Variants in BRWD1 observed in about 807,000 individuals in gnomAD.
BRWD1 encodes bromodomain and WD repeat domain containing 1, also known as bromodomain and WD repeat-containing protein 1.
Under a neutral mutation model 251.2 loss-of-function variants are expected in BRWD1, and 82 were observed. The observed-to-expected ratio is 0.33, with a 90% CI of 0.27 to 0.39. The LOEUF (loss-of-function observed/expected upper bound fraction) is 0.39, where lower values mean the gene tolerates loss of function less well. Ranked by LOEUF, BRWD1 falls within the 10% of genes least tolerant of loss-of-function variation. The probability of loss-of-function intolerance (pLI) is 1.00; values close to 1 mark genes in which losing one functional copy is unlikely to be tolerated. For synonymous variants in BRWD1, 918 were observed against 902.8 expected (o/e 1.02, Z -0.30); for missense variants, 2,233 against 2,711.6 (o/e 0.82, Z 3.92).
intron 29 of BRWD1, among the ~76,000 whole-genome samples, chr21:39,220,371 C>T (rs888733636): frequency 1.3e-5 from 2 of 152,336 alleles, no homozygotes; most frequent in Non-Finnish European, 2.9e-5. Flanking sequence ...GCAGTGGATA[C>T]ACTGCATAAA....
At position 39,313,616 on chromosome 21, in the gene BRWD1, T is replaced by A. The variant is rs1164207064; in HGVS notation, c.-125A>T. The A allele has an allele frequency of 6.9e-6, 5 of 724,310 alleles. No individual in the cohort carries two copies. Among genetic ancestry groups the A allele is most frequent in the Admixed American group, 5.0e-5 (1 of 20,012 alleles). 44.9% of individuals were successfully genotyped at this position (724,310 alleles called of 1,614,324 possible). A position where few individuals can be genotyped will look rare whatever the true frequency, so the allele number is the denominator to read the frequency against. ...GCCGCCGCCGCCGCCGCCGCCGCCA[T>A]ACCGTGCGCGCCGCCTGGACCGACG... On this transcript the variant is annotated 5_prime_UTR_variant, in exon 1 of 41. It removes an upstream start codon present in the reference 5' UTR. Coordinates refer to ENST00000342449, the MANE Select transcript of BRWD1 (RefSeq NM_033656.4).
Position 39,195,899 on chromosome 21 carries a change from T to C in BRWD1, c.*360A>G. 2.0e-6 allele frequency: 2 copies of C among 1,006,242 alleles called. No individual in the cohort carries two copies. The allele number at this position is 1,006,242 out of a possible 1,614,324, so 62.3% of individuals were successfully genotyped here. On this transcript the variant is annotated 3_prime_UTR_variant, in exon 41 of 41. Transcript: ENST00000342449. ...CAGGGGTTAGAAACTACTGCCTCTT[T>C]GACAAATTCAGAAAATAACTGCATG...
Position 39,197,517 on chromosome 21 carries a change from G to T in BRWD1, c.5654-102C>A, listed in dbSNP as rs537004095. The T allele has an allele frequency of 6.4e-6, 6 of 944,748 alleles. No homozygotes were observed. The East Asian group carries it at 1.5e-4, about 24-fold the overall frequency. The allele number at this position is 944,748 out of a possible 1,614,324, so 58.5% of individuals were successfully genotyped here. A position where few individuals can be genotyped will look rare whatever the true frequency, so the allele number is the denominator to read the frequency against. On this transcript the variant is annotated intron_variant, in intron 40 of 40. Coordinates refer to ENST00000342449, the MANE Select transcript of BRWD1 (RefSeq NM_033656.4). The stretch of plus-strand genomic sequence containing the variant: ...TCAGAATTCGTATTAATTTGAAGGG[G>T]GTATTGCAGTGAATGGAATGGTACA...
At position 39,247,790 on chromosome 21, in the gene BRWD1, A is replaced by G. The variant is rs766554157; in HGVS notation, c.2392T>C (p.Cys798Arg). The change falls in exon 21 of 41, where the codon TGT (cysteine) becomes CGT (arginine). Residue 798 changes from cysteine to arginine, a missense_variant. Physicochemically the swap from Cys to Arg is radical, Grantham distance 180. This residue lies in a region of BRWD1 where 214 missense variants were observed against 222.0 expected (regional missense o/e 0.96). Coordinates refer to ENST00000342449, the MANE Select transcript of BRWD1 (RefSeq NM_033656.4). The part of the protein sequence containing the change: ...VLVSQSRQRT[C>R]RRKYPNYGRR... ...CCATAATTTGGATATTTACGCCTAC[A>G]TGTCCTTTGTCTAGACTGTGATACC... 4.3e-6 allele frequency: 7 copies of G among 1,613,280 alleles called. No individual in the cohort carries two copies. Among genetic ancestry groups the G allele is most frequent in the Non-Finnish European group, 8.5e-7 (1 of 1,179,742 alleles).
intron 10 of BRWD1, chr21:39,278,532 A>AT (rs1568944176): frequency 5.9e-6 from 3 of 507,116 alleles, no homozygotes. Flanking sequence ...GCCATCTCTT[A>AT]TATCACTGAT....
chr21:39,208,878 T>G lies in BRWD1; in HGVS notation c.4197+1117A>C, dbSNP rs562186949. ...TCAAGTTTTGAAAAGTTACCCAATG[T>G]GTAACATGTTAACAAAACTTTAGTA... On this transcript the variant is annotated intron_variant, in intron 36 of 40. Transcript: ENST00000342449. Among the ~76,000 whole-genome samples the G allele has an allele frequency of 3.3e-5, 5 of 152,098 alleles. No individual in the cohort carries two copies. The East Asian group carries it at 9.7e-4, about 29-fold the overall frequency.
Position 39,285,157 on chromosome 21 carries a change from T to C in BRWD1, c.832-4909A>G, listed in dbSNP as rs190468931. 2.3e-3 allele frequency among the ~76,000 whole-genome samples: 349 copies of C among 152,334 alleles called. 6 individuals are homozygous for C. Among genetic ancestry groups the C allele is most frequent in the Admixed American group, 5.4e-3 (83 of 15,298 alleles). ...ACAAAATGGAACATTATAAACAGAA[T>C]ATTCTTCCGTCGTTTGTGGTAATAT... On this transcript the variant is annotated intron_variant, in intron 8 of 40. Transcript: ENST00000342449.
chr21:39,286,182 T>A (rs2035632908), intron 8 of BRWD1, among the ~76,000 whole-genome samples: 1 of 152,020 alleles, frequency 6.6e-6, no homozygotes, highest in African/African-American at 2.4e-5. Flanking sequence ...GCTCGGCTAA[T>A]GTTGTTTTTA....
chr21:39,243,296 G>A (rs1416746932), intron 21 of BRWD1, among the ~76,000 whole-genome samples: 1 of 152,098 alleles, frequency 6.6e-6, no homozygotes, highest in Non-Finnish European at 1.5e-5. Context: ...CAAGGAACTA[G>A]ACTAGATTCA....
chr21:39,244,288 T>G (rs973851972), intron 21 of BRWD1, among the ~76,000 whole-genome samples: 9 of 151,960 alleles, frequency 5.9e-5, no homozygotes, highest in African/African-American at 7.3e-5. Context: ...ATGGTCTTGA[T>G]CTCCTGCCCT....
downstream of BRWD1, chr21:39,185,295 T>TTAAAAAAAAAAAA (rs369755854): frequency 2.8e-5 from 2 of 71,838 alleles, no homozygotes; most frequent in Non-Finnish European, 5.5e-5. Flanking sequence ...CTGAAATTGC[T>TTAAAAAAAAAAAA]AAAAAAAAAA....
Position 39,287,265 on chromosome 21 carries a change from T to A in BRWD1, c.831+6546A>T, listed in dbSNP as rs548757308. Among the ~76,000 whole-genome samples, 3 of 152,324 alleles carry A rather than the reference T, an allele frequency of 2.0e-5. No individual in the cohort carries two copies. In the East Asian group the frequency reaches 5.8e-4, roughly 29 times the overall value. ...GGCTCACACATTACACTAACGTTTG[T>A]CCCTTTTCCTGAGGTTCCTTATTGA... is the stretch of plus-strand genomic sequence containing the variant. On this transcript the variant is annotated intron_variant, in intron 8 of 40. Coordinates refer to ENST00000342449, the MANE Select transcript of BRWD1 (RefSeq NM_033656.4).
Position 39,188,984 on chromosome 21 carries a change from G to A in BRWD1, c.*7275C>T, listed in dbSNP as rs2031400290. 1 of 985,380 alleles carries A rather than the reference G, an allele frequency of 1.0e-6. No homozygotes were observed. Among genetic ancestry groups the A allele is most frequent in the Non-Finnish European group, 1.2e-6 (1 of 829,918 alleles). 61.0% of individuals were successfully genotyped at this position (985,380 alleles called of 1,614,324 possible). A position where few individuals can be genotyped will look rare whatever the true frequency, so the allele number is the denominator to read the frequency against. On this transcript the variant is annotated 3_prime_UTR_variant, in exon 41 of 41. Coordinates refer to ENST00000342449, the MANE Select transcript of BRWD1 (RefSeq NM_033656.4). Reference sequence around the variant, plus strand: ...TCAGCTGGACTCTGTGGGAAGAGAAGTGGCTTAAAGTGCACTGTGTTTACC... The same window carrying A: ...TCAGCTGGACTCTGTGGGAAGAGAAATGGCTTAAAGTGCACTGTGTTTACC...
chr21:39,211,054 T>C, intron 34 of BRWD1, 125 bp from the exon 35 acceptor site: 1 of 982,124 alleles, frequency 1.0e-6, no homozygotes, highest in Non-Finnish European at 1.4e-6. Flanking sequence ...CTCAACACAT[T>C]TTTCCAGAAA....
At position 39,194,728 on chromosome 21, in the gene BRWD1, GAT is replaced by G; in HGVS notation, c.*1529_*1530del. On this transcript the variant is annotated 3_prime_UTR_variant, in exon 41 of 41. Transcript: ENST00000342449. ...GCTTCGCCTTGTCTGCCACTTCAAA[GAT>G]ACACAGGAGAAAAGGTTTTGTCTGA... 2.0e-6 allele frequency: 3 copies of G among 1,535,242 alleles called. No homozygotes were observed. The highest frequency in any genetic ancestry group is 2.6e-6 in the Non-Finnish European group (3 of 1,146,038).
upstream of BRWD1, chr21:39,313,940 G>A: frequency 3.0e-6 from 1 of 337,272 alleles, no homozygotes; most frequent in Non-Finnish European, 5.7e-6. Flanking sequence ...AGCAGCGGGC[G>A]GGTGCCGGGG....
Position 39,264,651 on chromosome 21 carries a change from C to A in BRWD1, c.1694G>T (p.Arg565Leu). 3 of 1,610,688 alleles carry A rather than the reference C, an allele frequency of 1.9e-6. No individual in the cohort carries two copies. In the South Asian group the frequency reaches 3.3e-5, roughly 18 times the overall value. The change falls in exon 17 of 41, where the codon CGA (arginine) becomes CTA (leucine). Residue 565 changes from arginine (R) to leucine (L), a missense_variant. Arg to Leu is a moderately radical substitution (Grantham distance 102). Transcript: ENST00000342449. ...PDQMFFHTDYRPLIRDSNNYV... is the reference protein window; with the variant it reads ...PDQMFFHTDYLPLIRDSNNYV... ...ATTATTAGAATCTCTAATAAGTGGT[C>A]GATAGTCAGTATGGAAGAACATCTG...
intron 18 of BRWD1, among the ~76,000 whole-genome samples, chr21:39,258,021 GAACT>G (rs1184441381): frequency 6.6e-6 from 1 of 152,118 alleles, no homozygotes; most frequent in East Asian, 1.9e-4. Context: ...GTAAATAGTG[GAACT>G]AACTGAGGGG....
At chr21:39,216,137 T>C (rs2032882457) in intron 31 of BRWD1, among the ~76,000 whole-genome samples, 1 of 152,240 alleles carries the variant, frequency 6.6e-6, no homozygotes. Context: ...AAGATGACTT[T>C]TTATAATTTC....
Sources: gnomAD v4.1 joint callset for allele counts (sites outside exome capture counted in the v4.1 genomes callset) on GRCh38, gnomAD v4.1.1 for gene constraint, gnomAD v4.1.1 regional missense constraint, MANE v1.5 for transcripts, NCBI Gene and HGNC (gene_info 2026-07-23, HGNC 2026-07-21) for gene names.